MBD5: variants seen among roughly 807,000 people sequenced by gnomAD.
MBD5 encodes methyl-CpG-binding domain protein 5.
MBD5 carries 13 observed loss-of-function variants against 117.3 expected under a neutral mutation model. That is an observed-to-expected ratio of 0.11 (90% CI 0.07 to 0.18). The LOEUF is 0.18. Among genes scored for constraint, MBD5 ranks in the 10% least tolerant of loss-of-function variants. The pLI, the probability that MBD5 is intolerant of heterozygous loss-of-function variation, is 1.00. For synonymous variants in MBD5, 727 were observed against 766.4 expected (o/e 0.95, Z 0.85); for missense variants, 1,879 against 2,093.8 (o/e 0.90, Z 2.00).
intron 1 of MBD5, among the ~76,000 whole-genome samples, chr2:148,104,716 A>G (rs1696323336): frequency 6.6e-6 from 1 of 151,968 alleles, no homozygotes; most frequent in Non-Finnish European, 1.5e-5. Flanking sequence ...TTTTGGGTGG[A>G]CTCTTTGGAA....
At chr2:148,077,538 ACT>A (rs1695537971) in intron 1 of MBD5, among the ~76,000 whole-genome samples, 2 of 152,146 alleles carry the variant, frequency 1.3e-5, no homozygotes, top group South Asian at 2.1e-4. Flanking sequence ...GGACTGGGTA[ACT>A]CTATTGAGGA....
At chr2:148,168,999 A>G (rs914963717) in intron 1 of MBD5, among the ~76,000 whole-genome samples, 3 of 149,952 alleles carry the variant, frequency 2.0e-5, no homozygotes, top group Non-Finnish European at 4.4e-5. Flanking sequence ...ATATATTCCA[A>G]AAGTAAAGTA....
chr2:148,311,360 A>G (rs1702026237), intron 3 of MBD5, among the ~76,000 whole-genome samples: 1 of 152,184 alleles, frequency 6.6e-6, no homozygotes, highest in African/African-American at 2.4e-5. Context: ...ATATTAGGTT[A>G]GTTAGCTCTT....
chr2:148,244,406 T>C (rs1700288866), intron 3 of MBD5: 1 of 152,178 alleles, frequency 6.6e-6, no homozygotes, highest in African/African-American at 2.4e-5. Context: ...ACCATAACAT[T>C]GACTTTGCAT....
At chr2:148,109,906 C>T (rs887348132) in intron 1 of MBD5, among the ~76,000 whole-genome samples, 1 of 151,880 alleles carries the variant, frequency 6.6e-6, no homozygotes, top group Admixed American at 6.6e-5. Context: ...TATAATCTGC[C>T]ACTTTCTTGG....
At chr2:148,175,128 A>G (rs1031574197) in intron 1 of MBD5, among the ~76,000 whole-genome samples, 1 of 152,308 alleles carries the variant, frequency 6.6e-6, no homozygotes. Context: ...CTCACCACAA[A>G]GAATATTAAG....
chr2:148,155,057 A>T (rs1697833486), intron 1 of MBD5, among the ~76,000 whole-genome samples: 1 of 152,208 alleles, frequency 6.6e-6, no homozygotes, highest in Non-Finnish European at 1.5e-5. Context: ...AGAAAGGTAT[A>T]TTTCTAGTGA....
chr2:148,361,540 A>G (rs1703532190), intron 4 of MBD5, among the ~76,000 whole-genome samples: 1 of 152,230 alleles, frequency 6.6e-6, no homozygotes, highest in Non-Finnish European at 1.5e-5. Flanking sequence ...TTTGTCCAAT[A>G]TTAACTAATG....
chr2:148,073,489 A>G (rs1003783955), intron 1 of MBD5, among the ~76,000 whole-genome samples: 1 of 152,228 alleles, frequency 6.6e-6, no homozygotes, highest in Non-Finnish European at 1.5e-5. Flanking sequence ...GCTTTGCCTC[A>G]GTGGAAACAA....
chr2:148,130,761 T>C (rs1187584021), intron 1 of MBD5, among the ~76,000 whole-genome samples: 1 of 152,200 alleles, frequency 6.6e-6, no homozygotes, highest in Admixed American at 6.5e-5. Context: ...CAGGCTTTGG[T>C]TTGCTATCCA....
At chr2:148,142,356 G>A (rs1485433474) in intron 1 of MBD5, among the ~76,000 whole-genome samples, 3 of 152,206 alleles carry the variant, frequency 2.0e-5, no homozygotes, top group African/African-American at 7.2e-5. Context: ...CTTCCTAAGG[G>A]CAAGGAATGT....
chr2:148,232,587 G>T (rs1018977826), intron 2 of MBD5, among the ~76,000 whole-genome samples: 1 of 151,804 alleles, frequency 6.6e-6, no homozygotes, highest in African/African-American at 2.4e-5. Context: ...GATCCTCCTG[G>T]TGGAGGCTCC....
At chr2:148,276,216 G>A (rs541697803) in intron 3 of MBD5, among the ~76,000 whole-genome samples, 36 of 152,102 alleles carry the variant, frequency 2.4e-4, no homozygotes, top group African/African-American at 8.2e-4. Context: ...GCTACTTGGG[G>A]GGCTGAGGCA....
In MBD5 at chr2:148,469,322, C is replaced by T. The variant is rs878910680; in HGVS notation, c.1379C>T (p.Ser460Leu). The change falls in exon 8 of 14, where the codon TCA (serine) becomes TTA (leucine). Residue 460 changes from serine to leucine, a missense_variant. By Grantham distance (145) the Ser-to-Leu change is moderately radical. Around this residue, in one of 4 missense-constraint regions of MBD5, gnomAD observed 1,666 missense variants for 1,792.2 expected, o/e 0.93. Transcript: ENST00000642680. ...IGRIEASPQR[S>L]RSSSTSSDHG... is the part of the protein sequence containing the mutation. ...AGGATTGAGGCATCGCCCCAAAGATCACGCTCATCTTCCACATCATCAGAT... is the reference window on the plus strand; with the variant it reads ...AGGATTGAGGCATCGCCCCAAAGATTACGCTCATCTTCCACATCATCAGAT... 4 of 1,613,814 alleles carry T rather than the reference C, an allele frequency of 2.5e-6. No individual in the cohort carries two copies. Among genetic ancestry groups the T allele is most frequent in the Non-Finnish European group, 3.4e-6 (4 of 1,179,958 alleles).
chr2:148,255,929 C>T (rs1700578342), intron 3 of MBD5, among the ~76,000 whole-genome samples: 1 of 152,250 alleles, frequency 6.6e-6, no homozygotes, highest in African/African-American at 2.4e-5. Context: ...GTCTCAACGG[C>T]CAGAGGGTGA....
In MBD5 at chr2:148,516,408, G is replaced by A. The variant is rs1454870078; in HGVS notation, c.*3467G>A. ...CTTTGCCCATTTATGCCCGAATGGT[G>A]TAATGCAAGACTCAAGACTTTTCAA... On this transcript the variant is annotated 3_prime_UTR_variant, in exon 14 of 14. Transcript: ENST00000642680. 1.3e-5 allele frequency: 2 copies of A among 152,216 alleles called. No homozygotes were observed. The highest frequency in any genetic ancestry group is 6.5e-5 in the Admixed American group (1 of 15,290). The allele number at this position is 152,216 out of a possible 1,614,324, so 9.4% of individuals were successfully genotyped here.
rs1706955002 is a variant in MBD5, at chr2:148,458,518, AC to A, written c.-239del. 1.7e-6 allele frequency: 1 copy of A among 600,334 alleles called. No individual in the cohort carries two copies. Among genetic ancestry groups the A allele is most frequent in the Non-Finnish European group, 3.0e-6 (1 of 337,124 alleles). 37.2% of individuals were successfully genotyped at this position (600,334 alleles called of 1,614,324 possible). A position where few individuals can be genotyped will look rare whatever the true frequency, so the allele number is the denominator to read the frequency against. On this transcript the variant is annotated 5_prime_UTR_variant, in exon 5 of 14. Transcript: ENST00000642680. The stretch of plus-strand genomic sequence containing the variant: ...GAAGCACTCATTTTTACCCATGTAG[AC>A]CATCCTTAGGAATTAAATATTGGTT...
At chr2:148,200,354 C>T (rs1699104348) in intron 2 of MBD5, among the ~76,000 whole-genome samples, 2 of 152,106 alleles carry the variant, frequency 1.3e-5, no homozygotes, top group African/African-American at 4.8e-5. Context: ...AAATGTAGCA[C>T]TTAAAAGCAA....
chr2:148,103,165 A>C (rs1006364940), intron 1 of MBD5, among the ~76,000 whole-genome samples: 5 of 152,074 alleles, frequency 3.3e-5, no homozygotes, highest in African/African-American at 1.2e-4. Context: ...TGCTTGTATT[A>C]TGTTTTTCTT....
Sources: allele counts gnomAD v4.1 joint callset (sites outside exome capture counted in the v4.1 genomes callset), GRCh38; gene constraint gnomAD v4.1.1; regional missense constraint gnomAD v4.1.1; transcripts MANE v1.5; gene names NCBI Gene and HGNC (gene_info 2026-07-23, HGNC 2026-07-21).